Variants in DPF3 observed in about 807,000 individuals in gnomAD.
The protein encoded by DPF3 is double PHD fingers 3.
A neutral mutation model predicts 56.8 loss-of-function variants in DPF3; 18 were observed. That is an observed-to-expected ratio of 0.32 (90% CI 0.22 to 0.47). The LOEUF (loss-of-function observed/expected upper bound fraction) is 0.47, where lower values mean the gene tolerates loss of function less well. Among genes scored for constraint, DPF3 ranks in the 20% least tolerant of loss-of-function variants. The pLI is 1.00. For synonymous variants in DPF3, 188 were observed against 180.2 expected (o/e 1.04, Z -0.35); for missense variants, 403 against 488.8 (o/e 0.82, Z 1.65).
At chr14:72,830,606 T>A (rs1884011777) in intron 1 of DPF3, among the ~76,000 whole-genome samples, 1 of 152,140 alleles carries the variant, frequency 6.6e-6, no homozygotes, top group Non-Finnish European at 1.5e-5. Flanking sequence ...TTCAATGGAA[T>A]AGATGTGACG....
At chr14:72,662,350 T>C (rs959563502) in intron 8 of DPF3, 21 of 984,882 alleles carry the variant, frequency 2.1e-5, no homozygotes, top group Non-Finnish European at 2.4e-5. Flanking sequence ...TATGATTTCA[T>C]GTCTTCACAA....
intron 1 of DPF3, among the ~76,000 whole-genome samples, chr14:72,798,033 T>C (rs1246211775): frequency 2.0e-5 from 3 of 152,010 alleles, no homozygotes; most frequent in Admixed American, 1.3e-4. Context: ...GGTGGGTGGA[T>C]CACCTGAGGT....
chr14:72,731,553 C>T (rs1889645776), intron 4 of DPF3: 2 of 473,982 alleles, frequency 4.2e-6, no homozygotes, highest in Non-Finnish European at 7.7e-6. Context: ...GTTCACTAGG[C>T]TCAACAAATT....
At chr14:72,669,362 A>G (rs1267403747) in intron 8 of DPF3, among the ~76,000 whole-genome samples, 1 of 152,200 alleles carries the variant, frequency 6.6e-6, no homozygotes, top group Non-Finnish European at 1.5e-5. Flanking sequence ...GTGTTTCCAG[A>G]ACTGTGCACT....
At chr14:72,861,382 G>A (rs12431762) in intron 1 of DPF3, among the ~76,000 whole-genome samples, 53,139 of 151,668 alleles carry the variant, frequency 0.35, 9,362 homozygotes, top group East Asian at 0.5. Context: ...TGTACTCACC[G>A]CTAATTCAGA....
At chr14:72,822,809 G>A (rs532331329) in intron 1 of DPF3, among the ~76,000 whole-genome samples, 3 of 152,204 alleles carry the variant, frequency 2.0e-5, no homozygotes, top group African/African-American at 7.2e-5. Context: ...GAAAGAGAGT[G>A]TTATACGTTG....
intron 1 of DPF3, among the ~76,000 whole-genome samples, chr14:72,880,428 G>A (rs1166629437): frequency 6.6e-6 from 1 of 152,244 alleles, no homozygotes; most frequent in East Asian, 1.9e-4. Context: ...GCCAAAAAGG[G>A]CATTTTGTGG....
chr14:72,781,831 G>C (rs1470725016), intron 1 of DPF3, among the ~76,000 whole-genome samples: 1 of 152,212 alleles, frequency 6.6e-6, no homozygotes, highest in Non-Finnish European at 1.5e-5. Flanking sequence ...CTCTCCTCTG[G>C]AGGCTAAAGA....
chr14:72,893,003 GGAAGGAAGGAAGGAAGGAAGGAT>G, intron 1 of DPF3, among the ~76,000 whole-genome samples: 2 of 136,422 alleles, frequency 1.5e-5, no homozygotes, highest in African/African-American at 2.9e-5. Flanking sequence ...AAGGAAGGAA[GGAAGGAAGGAAGGAAGGAAGGAT>G]GAAAAGGAGG....
At chr14:72,837,615 G>A (rs1235406464) in intron 1 of DPF3, among the ~76,000 whole-genome samples, 1 of 152,114 alleles carries the variant, frequency 6.6e-6, no homozygotes, top group African/African-American at 2.4e-5. Flanking sequence ...GCAGTCACCT[G>A]TAATCCCAGC....
chr14:72,659,419 A>G (rs1359954865), intron 8 of DPF3, among the ~76,000 whole-genome samples: 1 of 152,080 alleles, frequency 6.6e-6, no homozygotes, highest in Non-Finnish European at 1.5e-5. Flanking sequence ...CCTACAACCC[A>G]TTATCAGACA....
chr14:72,619,291 G>C lies in DPF3; in HGVS notation c.*6C>G. ...AGCAGCGAGTCACATTCTGTGACCT[G>C]GGGCCCTAGGCCTGGCAGCCAAAGG... On this transcript the variant is annotated 3_prime_UTR_variant, in exon 11 of 11. Coordinates refer to ENST00000556509, the MANE Select transcript of DPF3 (RefSeq NM_001280542.3). The C allele has an allele frequency of 6.5e-7, 1 of 1,535,946 alleles. No homozygotes were observed.
At chr14:72,699,865 A>G (rs895865468) in intron 6 of DPF3, among the ~76,000 whole-genome samples, 18 of 152,238 alleles carry the variant, frequency 1.2e-4, no homozygotes, top group Non-Finnish European at 2.6e-4. Flanking sequence ...TAGCAAGAAG[A>G]GAATCCACAA....
intron 6 of DPF3, among the ~76,000 whole-genome samples, chr14:72,702,670 C>A (rs1049600180): frequency 3.3e-5 from 5 of 152,166 alleles, no homozygotes; most frequent in African/African-American, 1.2e-4. Context: ...ACAACCAATT[C>A]CCCCGAGCAG....
chr14:72,639,503 C>T (rs1332859143), intron 8 of DPF3, among the ~76,000 whole-genome samples: 1 of 152,224 alleles, frequency 6.6e-6, no homozygotes, highest in Non-Finnish European at 1.5e-5. Flanking sequence ...TCCGAATCCT[C>T]TCTTATGCTT....
At chr14:72,731,486 C>A (rs2139856082) in intron 4 of DPF3, 1 of 251,548 alleles carries the variant, frequency 4.0e-6, no homozygotes, top group Non-Finnish European at 7.8e-6. Flanking sequence ...TCCATGGGGA[C>A]AAGGATTCAG....
chr14:72,639,389 G>A (rs1420796357), intron 8 of DPF3, among the ~76,000 whole-genome samples: 1 of 152,168 alleles, frequency 6.6e-6, no homozygotes, highest in Non-Finnish European at 1.5e-5. Context: ...CCCCCCTTGA[G>A]TGTGGGCTGC....
At chr14:72,702,128 T>C (rs1341148623) in intron 6 of DPF3, among the ~76,000 whole-genome samples, 1 of 152,118 alleles carries the variant, frequency 6.6e-6, no homozygotes, top group East Asian at 1.9e-4. Flanking sequence ...TTGAAGCACG[T>C]GACTGAAAGG....
chr14:72,731,120 C>T (rs1234355525), intron 4 of DPF3, among the ~76,000 whole-genome samples: 1 of 152,064 alleles, frequency 6.6e-6, no homozygotes, highest in African/African-American at 2.4e-5. Context: ...GAGCCGAGAT[C>T]GAGATCATGC....
Sources: gnomAD v4.1 joint callset for allele counts (sites outside exome capture counted in the v4.1 genomes callset) on GRCh38, gnomAD v4.1.1 for gene constraint, MANE v1.5 for transcripts, NCBI Gene and HGNC (gene_info 2026-07-23, HGNC 2026-07-21) for gene names.